GRM7: variants seen among roughly 807,000 people sequenced by gnomAD.
The protein encoded by GRM7 is metabotropic glutamate receptor 7.
GRM7 carries 35 observed loss-of-function variants against 84.5 expected under a neutral mutation model. That is an observed-to-expected ratio of 0.41 (90% CI 0.32 to 0.55). The LOEUF (loss-of-function observed/expected upper bound fraction) is 0.55. Among genes scored for constraint, GRM7 ranks in the 20% least tolerant of loss-of-function variants. The probability of loss-of-function intolerance (pLI) is 0.19; values close to 1 mark genes in which losing one functional copy is unlikely to be tolerated. For missense variants in GRM7, 1,003 were observed against 1,194.6 expected (o/e 0.84, Z 2.36); for synonymous variants, 487 against 455.1 (o/e 1.07, Z -0.89).
At chr3:7,178,706 A>T (rs944312170) in intron 2 of GRM7, among the ~76,000 whole-genome samples, 3 of 152,118 alleles carry the variant, frequency 2.0e-5, no homozygotes, top group Non-Finnish European at 4.4e-5. Context: ...TTTCTCCCCA[A>T]TGTTGAAGTA....
At chr3:7,643,319 A>G (rs116001846) in intron 8 of GRM7, among the ~76,000 whole-genome samples, 1,581 of 71,308 alleles carry the variant, frequency 0.022, 29 homozygotes, top group African/African-American at 0.095. Context: ...AGGGAGCCCA[A>G]TGAAAAACAA....
At chr3:7,656,243 A>G (rs1699172253) in intron 8 of GRM7, among the ~76,000 whole-genome samples, 2 of 152,088 alleles carry the variant, frequency 1.3e-5, no homozygotes, top group African/African-American at 4.8e-5. Flanking sequence ...TAAGCCCAGC[A>G]TTTGGGAGGC....
At chr3:7,056,791 A>G (rs1188011408) in intron 1 of GRM7, among the ~76,000 whole-genome samples, 1 of 151,894 alleles carries the variant, frequency 6.6e-6, no homozygotes, top group Non-Finnish European at 1.5e-5. Flanking sequence ...AGAGAGAAAA[A>G]CCTTGTGTAT....
intron 1 of GRM7, among the ~76,000 whole-genome samples, chr3:7,003,601 A>C (rs946257545): frequency 2.0e-5 from 3 of 152,152 alleles, no homozygotes; most frequent in African/African-American, 7.2e-5. Flanking sequence ...TCACTAAGCT[A>C]GTGGATGAGT....
chr3:7,644,067 T>A (rs1327489105), intron 8 of GRM7, among the ~76,000 whole-genome samples: 1 of 147,780 alleles, frequency 6.8e-6, no homozygotes, highest in Non-Finnish European at 1.5e-5. Flanking sequence ...TTTTTATATA[T>A]ACTTATATAT....
In GRM7 at chr3:7,707,974, G is replaced by A. The variant is rs190821276; in HGVS notation, c.2698+27679G>A. 4.1e-3 allele frequency among the ~76,000 whole-genome samples: 532 copies of A among 129,120 alleles called. 4 individuals are homozygous for A. Among genetic ancestry groups the A allele is most frequent in the Non-Finnish European group, 6.8e-3 (422 of 62,516 alleles). The allele number at this position is 129,120 out of a possible 152,430, so 84.7% of individuals were successfully genotyped here. ...TTTTTTACTTCCCATGCCCTATAAAGCAAGCCTTTTTTTAACTTCCAAACT... is the reference window on the plus strand; with the variant it reads ...TTTTTTACTTCCCATGCCCTATAAAACAAGCCTTTTTTTAACTTCCAAACT... On this transcript the variant is annotated intron_variant, in intron 9 of 9. Transcript: ENST00000357716.
chr3:7,011,257 C>T (rs1330004266), intron 1 of GRM7, among the ~76,000 whole-genome samples: 1 of 152,124 alleles, frequency 6.6e-6, no homozygotes, highest in African/African-American at 2.4e-5. Flanking sequence ...ATAATAACAG[C>T]AATCAATATT....
chr3:6,875,483 G>T (rs1203106392), intron 1 of GRM7, among the ~76,000 whole-genome samples: 1 of 152,092 alleles, frequency 6.6e-6, no homozygotes, highest in Admixed American at 6.5e-5. Flanking sequence ...TCTCTTGCCT[G>T]CTGTCATGTA....
rs888165773 is a variant in GRM7, at chr3:6,861,322, C to T, written c.-67C>T. 4 of 1,380,082 alleles carry T rather than the reference C, an allele frequency of 2.9e-6. No individual in the cohort carries two copies. Among genetic ancestry groups the T allele is most frequent in the Admixed American group, 3.3e-5 (1 of 30,072 alleles). The allele number at this position is 1,380,082 out of a possible 1,614,324, so 85.5% of individuals were successfully genotyped here. On this transcript the variant is annotated 5_prime_UTR_variant, in exon 1 of 10. Coordinates refer to ENST00000357716, the MANE Select transcript of GRM7 (RefSeq NM_000844.4). This position sits in a 1 kb window ranked among gnomAD's most constrained non-coding sequence, Gnocchi z 6.4. ...CCGGAGGAGCTCGCCCTGAAGGGCC[C>T]GGACCTCGGCGAGCCCACCACCGTT...
At chr3:7,079,220 A>C (rs2124994917) in intron 1 of GRM7, among the ~76,000 whole-genome samples, 1 of 152,274 alleles carries the variant, frequency 6.6e-6, no homozygotes, top group African/African-American at 2.4e-5. Flanking sequence ...TGTGTAAAGA[A>C]TTTTACAGTG....
intron 2 of GRM7, among the ~76,000 whole-genome samples, chr3:7,181,299 A>G (rs537257242): frequency 5.1e-4 from 77 of 152,238 alleles, no homozygotes; most frequent in Admixed American, 1.4e-3. Flanking sequence ...AGGCCTTTCA[A>G]TTAGATTTGT....
At chr3:6,976,996 T>C (rs1374851107) in intron 1 of GRM7, among the ~76,000 whole-genome samples, 1 of 152,120 alleles carries the variant, frequency 6.6e-6, no homozygotes, top group African/African-American at 2.4e-5. Flanking sequence ...TGGGTTATGA[T>C]ATGAAGTGAT....
chr3:7,590,524 G>T (rs112202106), intron 8 of GRM7, among the ~76,000 whole-genome samples: 2 of 152,068 alleles, frequency 1.3e-5, no homozygotes, highest in Non-Finnish European at 2.9e-5. Context: ...AAAGCTTGCC[G>T]GACCTGCCTT....
At chr3:6,886,095 T>TTGTGTG (rs34466069) in intron 1 of GRM7, among the ~76,000 whole-genome samples, 359 of 151,010 alleles carry the variant, frequency 2.4e-3, no homozygotes, top group African/African-American at 8.0e-3. Flanking sequence ...ATAGTTACCA[T>TTGTGTG]TGTGTGTGTG....
chr3:7,302,313 A>G (rs1014892138), intron 3 of GRM7, among the ~76,000 whole-genome samples: 5 of 152,186 alleles, frequency 3.3e-5, no homozygotes, highest in African/African-American at 9.6e-5. Flanking sequence ...AATAAAGATC[A>G]CATAGAATTT....
intron 1 of GRM7, among the ~76,000 whole-genome samples, chr3:7,044,966 T>G (rs1239973226): frequency 6.6e-6 from 1 of 152,180 alleles, no homozygotes; most frequent in Non-Finnish European, 1.5e-5. Flanking sequence ...AGTTAAAGCA[T>G]TTCATTTCTA....
chr3:7,167,796 C>T (rs142772799), intron 2 of GRM7, among the ~76,000 whole-genome samples: 4,490 of 151,592 alleles, frequency 0.03, 201 homozygotes, highest in African/African-American at 0.1. Flanking sequence ...AGTGAAACCC[C>T]GTCTCAACTA....
Position 7,680,165 on chromosome 3 carries a change from C to T in GRM7, c.2568C>T (p.Val856=), listed in dbSNP as rs771811252. ...TCATTTTCCACCCTGAACTCAATGT[C>T]CAGAAACGGAAGCGAAGCTTCAAGG... The part of the protein sequence containing the change: ...YIIIFHPELN[V]QKRKRSFKAV... Residue 856 remains valine, a synonymous_variant, in exon 9 of 10, where the codon GTC becomes GTT. Transcript: ENST00000357716. 1.9e-6 allele frequency: 3 copies of T among 1,614,170 alleles called. No individual in the cohort carries two copies. The highest frequency in any genetic ancestry group is 2.2e-5 in the South Asian group (2 of 91,086).
chr3:7,480,962 A>T (rs1699105006), intron 7 of GRM7, among the ~76,000 whole-genome samples: 1 of 152,254 alleles, frequency 6.6e-6, no homozygotes, highest in Admixed American at 6.5e-5. Context: ...GGAGTATATT[A>T]GAGTCCAACA....
Sources: allele counts gnomAD v4.1 joint callset (sites outside exome capture counted in the v4.1 genomes callset), GRCh38; gene constraint gnomAD v4.1.1; non-coding constraint Gnocchi (gnomAD v3.1); transcripts MANE v1.5; gene names NCBI Gene and HGNC (gene_info 2026-07-23, HGNC 2026-07-21).